FBXW7: variants seen among roughly 807,000 people sequenced by gnomAD.
FBXW7 encodes the protein F-box/WD repeat-containing protein 7.
Under a neutral mutation model 86.3 loss-of-function variants are expected in FBXW7, and 11 were observed. That is an observed-to-expected ratio of 0.13 (90% CI 0.08 to 0.21). The LOEUF (loss-of-function observed/expected upper bound fraction) is 0.21, where lower values mean the gene tolerates loss of function less well. FBXW7 is among the 10% of genes least tolerant of loss of function. The pLI, the probability that FBXW7 is intolerant of heterozygous loss-of-function variation, is 1.00. For synonymous variants in FBXW7, 313 were observed against 297.9 expected, an observed-to-expected ratio of 1.05 and a Z score of -0.52; for missense variants, 488 against 847.4, an observed-to-expected ratio of 0.58 and a Z score of 5.27.
At chr4:152,464,483 A>G (rs895051625) in intron 2 of FBXW7, among the ~76,000 whole-genome samples, 1 of 152,230 alleles carries the variant, frequency 6.6e-6, no homozygotes, top group African/African-American at 2.4e-5. Context: ...ATTTGAGCAC[A>G]GTAGAATGGT....
intron 2 of FBXW7, among the ~76,000 whole-genome samples, chr4:152,452,933 A>G (rs1485337458): frequency 6.6e-6 from 1 of 152,228 alleles, no homozygotes; most frequent in East Asian, 1.9e-4. Context: ...CTGTAATCCC[A>G]CCACTCTGGG....
Position 152,323,049 on chromosome 4 carries a change from T to C in FBXW7, c.1956A>G (p.Lys652=). 1 of 1,613,846 alleles carries C rather than the reference T, an allele frequency of 6.2e-7. No homozygotes were observed. The highest frequency in any genetic ancestry group is 8.5e-7 in the Non-Finnish European group (1 of 1,179,822). ...CTAGGTTTCGAATAAATTCACCCGT[T>C]TTCAAGTCCCATAGTTTTACAGTTC... ...DDGTVKLWDL[K]TGEFIRNLVT... The change falls in exon 14 of 14, where the codon AAA becomes AAG. Residue 652 remains lysine, a synonymous_variant. Transcript: ENST00000281708.
intron 2 of FBXW7, among the ~76,000 whole-genome samples, chr4:152,515,941 G>T (rs547027214): frequency 6.6e-6 from 1 of 152,270 alleles, no homozygotes; most frequent in South Asian, 2.1e-4. Flanking sequence ...GGTGGCGGGG[G>T]TGGGCCTCTA....
At chr4:152,462,366 A>G (rs1743026502) in intron 2 of FBXW7, among the ~76,000 whole-genome samples, 2 of 152,226 alleles carry the variant, frequency 1.3e-5, no homozygotes, top group South Asian at 4.1e-4. Context: ...ACAGGGTTCA[A>G]TTCTTTCAGG....
intron 2 of FBXW7, among the ~76,000 whole-genome samples, chr4:152,440,672 A>C (rs1740808426): frequency 6.6e-6 from 1 of 152,284 alleles, no homozygotes; most frequent in African/African-American, 2.4e-5. Context: ...ACTCTTCAAA[A>C]CTGGGAAGGG....
intron 4 of FBXW7, among the ~76,000 whole-genome samples, chr4:152,380,307 A>C (rs991305645): frequency 2.0e-5 from 3 of 152,034 alleles, no homozygotes; most frequent in African/African-American, 7.2e-5. Context: ...AATAACACAG[A>C]AAATGTAAAT....
intron 2 of FBXW7, among the ~76,000 whole-genome samples, chr4:152,456,366 A>G (rs1742415674): frequency 6.8e-6 from 1 of 146,628 alleles, no homozygotes; most frequent in South Asian, 2.2e-4. Context: ...TCCTTAAAAA[A>G]AAAAAAAAAA....
chr4:152,400,395 A>G (rs1046547276), intron 4 of FBXW7, among the ~76,000 whole-genome samples: 4 of 152,128 alleles, frequency 2.6e-5, no homozygotes, highest in Admixed American at 1.3e-4. Context: ...TTGCTGGGGT[A>G]GAGTGGTATG....
chr4:152,356,183 C>G (rs1205662929), intron 4 of FBXW7, among the ~76,000 whole-genome samples: 1 of 152,106 alleles, frequency 6.6e-6, no homozygotes, highest in African/African-American at 2.4e-5. Context: ...ACATCTTTCT[C>G]CCCTATCTCC....
At chr4:152,387,387 C>T (rs894016475) in intron 4 of FBXW7, among the ~76,000 whole-genome samples, 1 of 152,046 alleles carries the variant, frequency 6.6e-6, no homozygotes, top group Non-Finnish European at 1.5e-5. Context: ...TTCACAGATA[C>T]AGAGTAAAGC....
At chr4:152,489,828 C>T (rs1183268050) in intron 2 of FBXW7, among the ~76,000 whole-genome samples, 1 of 152,004 alleles carries the variant, frequency 6.6e-6, no homozygotes, top group African/African-American at 2.4e-5. Context: ...CCCATGCCTA[C>T]CTTGAAAACT....
Position 152,460,408 on chromosome 4 carries a change from G to A in FBXW7, c.-119-47879C>T, listed in dbSNP as rs145398135. Among the ~76,000 whole-genome samples the A allele has an allele frequency of 4.7e-3, 717 of 152,238 alleles. 5 individuals carry two copies. Among genetic ancestry groups the A allele is most frequent in the Admixed American group, 9.2e-3 (140 of 15,294 alleles). On this transcript the variant is annotated intron_variant, in intron 2 of 13. Coordinates refer to ENST00000281708, the MANE Select transcript of FBXW7 (RefSeq NM_001349798.2). ...GTTTATAAAAATTAGAGTAAATTAT[G>A]TATTTACTAGTTTTGATGTTGATTT...
intron 2 of FBXW7, among the ~76,000 whole-genome samples, chr4:152,466,022 T>G (rs1248894554): frequency 6.6e-6 from 1 of 152,116 alleles, no homozygotes; most frequent in Non-Finnish European, 1.5e-5. Context: ...TCAAATAACA[T>G]GAAAGGTAAG....
chr4:152,453,050 G>A (rs1287194404), intron 2 of FBXW7, among the ~76,000 whole-genome samples: 1 of 152,140 alleles, frequency 6.6e-6, no homozygotes, highest in Non-Finnish European at 1.5e-5. Context: ...CAGGCGTGGT[G>A]GCACATGCCT....
chr4:152,407,370 C>A (rs977056053), intron 4 of FBXW7, among the ~76,000 whole-genome samples: 1 of 152,176 alleles, frequency 6.6e-6, no homozygotes, highest in South Asian at 2.1e-4. Context: ...TTCAAGATGA[C>A]TGCCTTAAAT....
intron 4 of FBXW7, among the ~76,000 whole-genome samples, chr4:152,404,346 T>TG (rs1737222917): frequency 6.6e-6 from 1 of 152,208 alleles, no homozygotes; most frequent in African/African-American, 2.4e-5. Flanking sequence ...TATAACAAAA[T>TG]GGAGAAATTA....
At chr4:152,336,865 T>C (rs1730177876) in intron 7 of FBXW7, among the ~76,000 whole-genome samples, 1 of 152,046 alleles carries the variant, frequency 6.6e-6, no homozygotes, top group Non-Finnish European at 1.5e-5. Context: ...ACCATTAGGA[T>C]ATTTAGAATG....
chr4:152,461,421 T>G (rs1486360806), intron 2 of FBXW7, among the ~76,000 whole-genome samples: 1 of 152,226 alleles, frequency 6.6e-6, no homozygotes, highest in Non-Finnish European at 1.5e-5. Context: ...TTTTTATTGC[T>G]GTACTGTAAA....
At chr4:152,323,570 A>G (rs1728735694) in intron 13 of FBXW7, 1 of 184,012 alleles carries the variant, frequency 5.4e-6, no homozygotes, top group Non-Finnish European at 1.1e-5. Flanking sequence ...GAGGAGAGAC[A>G]AAACCAATGA....
Sources: allele counts gnomAD v4.1 joint callset (sites outside exome capture counted in the v4.1 genomes callset), GRCh38; gene constraint gnomAD v4.1.1; transcripts MANE v1.5; gene names NCBI Gene and HGNC (gene_info 2026-07-23, HGNC 2026-07-21).